The following MYO16 variants were observed in gnomAD, a reference collection of about 807,000 sequenced individuals.
MYO16 encodes the protein unconventional myosin-XVI.
A neutral mutation model predicts 205.3 loss-of-function variants in MYO16; 94 were observed. That is an observed-to-expected ratio of 0.46 (90% CI 0.39 to 0.54). The LOEUF is 0.54. MYO16 is among the 20% of genes least tolerant of loss of function. The pLI is 0.00. For synonymous variants in MYO16, 988 were observed against 954.0 expected (o/e 1.04, Z -0.66); for missense variants, 2,315 against 2,387.5 (o/e 0.97, Z 0.63).
At chr13:109,132,786 G>A (rs1876599434) in intron 31 of MYO16, among the ~76,000 whole-genome samples, 2 of 152,204 alleles carry the variant, frequency 1.3e-5, no homozygotes, top group South Asian at 2.1e-4. Context: ...CACCACCTAT[G>A]ACGCAGTTGT....
chr13:108,684,874 G>A lies in MYO16; in HGVS notation c.292+18725G>A, dbSNP rs116317614. On this transcript the variant is annotated intron_variant, in intron 2 of 34. Coordinates refer to ENST00000457511, the MANE Select transcript of MYO16 (RefSeq NM_001198950.3). ...AAGCTCCATGCCTGGCCCCAGACCC[G>A]CCTTATGTGCCTCTTTGCCAGCTGT... Among the ~76,000 whole-genome samples, 522 of 152,232 alleles carry A rather than the reference G, an allele frequency of 3.4e-3. 3 individuals are homozygous for A. The highest frequency in any genetic ancestry group is 0.012 in the African/African-American group (495 of 41,552).
At chr13:108,525,167 G>A in the MYO16 span, among the ~76,000 whole-genome samples, 1 of 152,164 alleles carries the variant, frequency 6.6e-6, no homozygotes, top group Non-Finnish European at 1.5e-5. Context: ...GATAACGTGT[G>A]ATGAGTGCTT....
At chr13:108,636,323 G>A (rs1880222718) in intron 1 of MYO16, among the ~76,000 whole-genome samples, 1 of 137,710 alleles carries the variant, frequency 7.3e-6, no homozygotes, top group African/African-American at 2.7e-5. Context: ...ATTTCAACTA[G>A]TCTTAAATGA....
the MYO16 span, among the ~76,000 whole-genome samples, chr13:108,550,154 A>G: frequency 1.1e-4 from 16 of 152,252 alleles, no homozygotes; most frequent in Non-Finnish European, 2.4e-4. Context: ...CCTCAGAGAC[A>G]CTTCAGCCAC....
At chr13:108,990,702 T>C (rs1365955895) in intron 20 of MYO16, among the ~76,000 whole-genome samples, 1 of 152,188 alleles carries the variant, frequency 6.6e-6, no homozygotes, top group African/African-American at 2.4e-5. Flanking sequence ...TTATATTCTT[T>C]ACCGTGAAAT....
At chr13:108,839,321 T>A (rs1877110463) in intron 9 of MYO16, among the ~76,000 whole-genome samples, 1 of 152,130 alleles carries the variant, frequency 6.6e-6, no homozygotes. Flanking sequence ...CACCTCTCAA[T>A]ACTGCCACAC....
At chr13:108,537,120 T>A in the MYO16 span, among the ~76,000 whole-genome samples, 2 of 152,116 alleles carry the variant, frequency 1.3e-5, no homozygotes, top group East Asian at 3.9e-4. Context: ...TACCTAATAA[T>A]GAACAGAATA....
chr13:109,186,625 C>T (rs1158656866), intron 34 of MYO16, among the ~76,000 whole-genome samples: 1 of 152,148 alleles, frequency 6.6e-6, no homozygotes, highest in Non-Finnish European at 1.5e-5. Context: ...CACACACACA[C>T]ACACACAAAC....
chr13:108,594,826 A>G, upstream of MYO16, among the ~76,000 whole-genome samples: 1 of 152,178 alleles, frequency 6.6e-6, no homozygotes, highest in South Asian at 2.1e-4. Flanking sequence ...TCAGTCATAC[A>G]TTTGTTGGAT....
intron 33 of MYO16, among the ~76,000 whole-genome samples, chr13:109,176,875 C>T (rs1879219833): frequency 6.6e-6 from 1 of 152,118 alleles, no homozygotes; most frequent in African/African-American, 2.4e-5. Flanking sequence ...CCATATGTCC[C>T]TGTCTGTGGA....
chr13:108,612,766 G>A (rs1879222084), intron 1 of MYO16, among the ~76,000 whole-genome samples: 1 of 152,126 alleles, frequency 6.6e-6, no homozygotes, highest in Non-Finnish European at 1.5e-5. Flanking sequence ...CAGACCGTGA[G>A]AAAGGTAACT....
the MYO16 span, among the ~76,000 whole-genome samples, chr13:108,524,248 C>T: frequency 6.6e-6 from 1 of 151,392 alleles, no homozygotes; most frequent in African/African-American, 2.4e-5. Context: ...TGCAGTGAGC[C>T]GAGATTGCGC....
chr13:108,968,032 G>A (rs1883862511), intron 20 of MYO16, among the ~76,000 whole-genome samples: 1 of 152,130 alleles, frequency 6.6e-6, no homozygotes, highest in African/African-American at 2.4e-5. Flanking sequence ...ACATTTGTAT[G>A]CGAATGTCAT....
At chr13:108,734,142 T>C (rs1272343139) in intron 4 of MYO16, among the ~76,000 whole-genome samples, 1 of 151,756 alleles carries the variant, frequency 6.6e-6, no homozygotes, top group Non-Finnish European at 1.5e-5. Flanking sequence ...GATCAGCATA[T>C]CACCAAATTT....
chr13:109,022,833 C>T (rs1483791290), intron 23 of MYO16, among the ~76,000 whole-genome samples: 3 of 133,096 alleles, frequency 2.3e-5, no homozygotes, highest in African/African-American at 8.5e-5. Context: ...AATATATAAA[C>T]ATAGTATATA....
chr13:108,639,782 G>T (rs74431550), intron 1 of MYO16, among the ~76,000 whole-genome samples: 1 of 152,234 alleles, frequency 6.6e-6, no homozygotes, highest in Admixed American at 6.5e-5. Context: ...TGAAGAGTTT[G>T]TGTTGGTGAT....
At chr13:108,769,863 T>C (rs1209706047) in intron 4 of MYO16, among the ~76,000 whole-genome samples, 1 of 152,238 alleles carries the variant, frequency 6.6e-6, no homozygotes, top group African/African-American at 2.4e-5. Flanking sequence ...AAGCAGAATG[T>C]ATTAAGCACC....
At chr13:108,974,391 A>G (rs1405669967) in intron 20 of MYO16, among the ~76,000 whole-genome samples, 1 of 152,144 alleles carries the variant, frequency 6.6e-6, no homozygotes, top group African/African-American at 2.4e-5. Context: ...ATAAACATAC[A>G]CACACAAACA....
At chr13:108,837,910 G>C (rs1358181422) in intron 9 of MYO16, among the ~76,000 whole-genome samples, 1 of 152,016 alleles carries the variant, frequency 6.6e-6, no homozygotes, top group Non-Finnish European at 1.5e-5. Context: ...TTCGTAGCTT[G>C]ACCAATCTAC....
Sources: allele counts gnomAD v4.1 joint callset (sites outside exome capture counted in the v4.1 genomes callset), GRCh38; gene constraint gnomAD v4.1.1; transcripts MANE v1.5; gene names NCBI Gene and HGNC (gene_info 2026-07-23, HGNC 2026-07-21).